The following TG variants were observed in gnomAD, a reference collection of about 807,000 sequenced individuals.
The protein encoded by TG is thyroid hormones.
TG carries 270 observed loss-of-function variants against 324.7 expected under a neutral mutation model. The observed-to-expected ratio is 0.83, with a 90% CI of 0.75 to 0.92. The LOEUF (loss-of-function observed/expected upper bound fraction) is 0.92. TG is among the 40% of genes least tolerant of loss of function. The probability of loss-of-function intolerance (pLI) is 0.00; values close to 1 mark genes in which losing one functional copy is unlikely to be tolerated. For synonymous variants in TG, 1,401 were observed against 1,327.0 expected, an observed-to-expected ratio of 1.06 and a Z score of -1.21; for missense variants, 3,591 against 3,456.4, an observed-to-expected ratio of 1.04 and a Z score of -0.98.
intron 41 of TG, among the ~76,000 whole-genome samples, chr8:133,077,372 C>T (rs1231588115): frequency 2.0e-5 from 3 of 152,182 alleles, no homozygotes; most frequent in East Asian, 1.9e-4. Flanking sequence ...GCCGCAGGCT[C>T]TTCTCTGTTT....
At chr8:133,076,653 T>TA (rs1419905493) in intron 41 of TG, 1 of 151,362 alleles carries the variant, frequency 6.6e-6, no homozygotes, top group Non-Finnish European at 1.5e-5. Context: ...AATAGACACT[T>TA]ACCAAGAAAG....
intron 41 of TG, among the ~76,000 whole-genome samples, chr8:133,045,366 A>T (rs56375756): frequency 0.022 from 3,264 of 150,032 alleles, 123 homozygotes; most frequent in African/African-American, 0.076. Context: ...GTTTTCAGGA[A>T]CACAGGTTTC....
At chr8:133,100,738 G>A (rs1384244518) in intron 43 of TG, among the ~76,000 whole-genome samples, 1 of 152,164 alleles carries the variant, frequency 6.6e-6, no homozygotes, top group East Asian at 1.9e-4. Flanking sequence ...GCTGGGTACT[G>A]AAATGTACAC....
At chr8:132,884,098 AC>A (rs1815053489) in intron 8 of TG, among the ~76,000 whole-genome samples, 1 of 152,146 alleles carries the variant, frequency 6.6e-6, no homozygotes, top group African/African-American at 2.4e-5. Flanking sequence ...TCCTCTTCTT[AC>A]AAGGAGACCA....
intron 41 of TG, chr8:133,064,065 G>T (rs2131360100): frequency 6.6e-6 from 1 of 152,298 alleles, no homozygotes; most frequent in East Asian, 1.9e-4. Context: ...TTCCTTGGTG[G>T]TGTGACTCTT....
intron 21 of TG, 47 bp downstream of exon 21, chr8:132,919,572 A>G (rs1280244982): frequency 3.1e-6 from 5 of 1,609,606 alleles, no homozygotes; most frequent in Non-Finnish European, 4.2e-6. Flanking sequence ...CTGCAATGAA[A>G]TGGAACTCAA....
At chr8:133,097,609 C>A (rs561422746) in intron 43 of TG, among the ~76,000 whole-genome samples, 4 of 152,208 alleles carry the variant, frequency 2.6e-5, no homozygotes, top group African/African-American at 9.6e-5. Flanking sequence ...AAAAACCAAC[C>A]TGTATATATC....
intron 11 of TG, among the ~76,000 whole-genome samples, chr8:132,894,155 G>C (rs1228879421): frequency 6.6e-6 from 1 of 152,108 alleles, no homozygotes; most frequent in Non-Finnish European, 1.5e-5. Context: ...CCCTAGGGCA[G>C]GTTTCAGATG....
intron 41 of TG, among the ~76,000 whole-genome samples, chr8:133,072,152 C>T (rs1342862931): frequency 6.6e-6 from 1 of 152,188 alleles, no homozygotes; most frequent in Non-Finnish European, 1.5e-5. Flanking sequence ...ACCAAGTCCT[C>T]CAGCCCTGGT....
At chr8:132,966,769 C>T in intron 30 of TG, 72 bp downstream of exon 30, 2 of 1,605,716 alleles carry the variant, frequency 1.2e-6, no homozygotes, top group Non-Finnish European at 1.7e-6. Context: ...AGTCTGGCAA[C>T]TCCTGAGACA....
chr8:132,938,622 A>T (rs1275115817), intron 25 of TG, among the ~76,000 whole-genome samples: 1 of 152,182 alleles, frequency 6.6e-6, no homozygotes, highest in Non-Finnish European at 1.5e-5. Context: ...CAGCAATAAG[A>T]TCATCTCAGA....
chr8:132,871,422 C>G lies in TG; in HGVS notation c.349C>G (p.Leu117Val). The change falls in exon 4 of 48, where the codon CTC becomes GTC. Residue 117 changes from leucine (L) to valine (V), a missense_variant. Coordinates refer to ENST00000220616, the MANE Select transcript of TG (RefSeq NM_003235.5). The stretch of plus-strand genomic sequence containing the variant: ...CATTAACAGCACAGACACCTCCTAC[C>G]TCCCTCAGTGTCAGGATTCAGGGGA... ...GYINSTDTSY[L>V]PQCQDSGDYA... 5.0e-6 allele frequency: 8 copies of G among 1,614,208 alleles called. No homozygotes were observed. Among genetic ancestry groups the G allele is most frequent in the Non-Finnish European group, 5.9e-6 (7 of 1,180,024 alleles).
chr8:133,027,038 C>T (rs1474529810), intron 40 of TG, among the ~76,000 whole-genome samples: 2 of 152,280 alleles, frequency 1.3e-5, no homozygotes, highest in East Asian at 3.9e-4. Flanking sequence ...TTGTCCAGGG[C>T]CCCTCAAGGC....
chr8:133,065,768 TAATAA>T (rs60174705), intron 41 of TG, among the ~76,000 whole-genome samples: 20 of 150,808 alleles, frequency 1.3e-4, no homozygotes, highest in South Asian at 6.3e-4. Context: ...GTCTCAAAAA[TAATAA>T]AATAAAATAA....
At chr8:133,055,398 C>T (rs1219787625) in intron 41 of TG, among the ~76,000 whole-genome samples, 1 of 148,462 alleles carries the variant, frequency 6.7e-6, no homozygotes, top group Admixed American at 6.7e-5. Flanking sequence ...CACACACACA[C>T]ACACACACAG....
At chr8:132,904,445 C>T (rs533921561) in intron 16 of TG, among the ~76,000 whole-genome samples, 6 of 152,236 alleles carry the variant, frequency 3.9e-5, no homozygotes, top group African/African-American at 1.4e-4. Context: ...AGTGTACTCT[C>T]TGGGGCTGGG....
At chr8:133,084,373 T>G (rs1332705127) in intron 41 of TG, among the ~76,000 whole-genome samples, 2 of 152,120 alleles carry the variant, frequency 1.3e-5, no homozygotes, top group Non-Finnish European at 2.9e-5. Flanking sequence ...AAAGGAAACA[T>G]ATGCCCATGT....
At chr8:132,901,891 G>T (rs1476973359) in intron 16 of TG, among the ~76,000 whole-genome samples, 1 of 152,080 alleles carries the variant, frequency 6.6e-6, no homozygotes, top group Non-Finnish European at 1.5e-5. Context: ...TCAGTGTGAT[G>T]GTTCCATCCT....
At chr8:132,880,272 G>A (rs778181541) in intron 5 of TG, among the ~76,000 whole-genome samples, 1 of 152,088 alleles carries the variant, frequency 6.6e-6, no homozygotes, top group African/African-American at 2.4e-5. Context: ...TCTAAAAGGG[G>A]GATTAAAATG....
Sources: gnomAD v4.1 joint callset for allele counts (sites outside exome capture counted in the v4.1 genomes callset) on GRCh38, gnomAD v4.1.1 for gene constraint, MANE v1.5 for transcripts, NCBI Gene and HGNC (gene_info 2026-07-23, HGNC 2026-07-21) for gene names.